Variants in NLGN4Y observed in about 807,000 individuals in gnomAD.
NLGN4Y encodes neuroligin-4, Y-linked.
Under a neutral mutation model 8.4 loss-of-function variants are expected in NLGN4Y, and 4 were observed. The observed-to-expected ratio is 0.48, with a 90% confidence interval of 0.23 to 1.09. NLGN4Y has a LOEUF of 1.09. Ranked by LOEUF, NLGN4Y falls within the 50% of genes least tolerant of loss-of-function variation. NLGN4Y has a pLI of 0.19. For missense variants in NLGN4Y, 90 were observed against 192.3 expected (o/e 0.47, Z 3.15); for synonymous variants, 35 against 75.6 (o/e 0.46, Z 2.78).
chrY:14,824,491 A>G, intron 5 of NLGN4Y, 118 bp downstream of exon 5: 1 of 213,996 alleles, frequency 4.7e-6, no homozygotes, highest in Non-Finnish European at 7.9e-6. Flanking sequence ...AAATTGCAAC[A>G]GAAAATGCCC....
chrY:14,624,948 C>G, intron 2 of NLGN4Y, among the ~76,000 whole-genome samples: 1 of 33,635 alleles, frequency 3.0e-5, no homozygotes, highest in African/African-American at 1.2e-4. Context: ...GAATTCTACT[C>G]TGACCACTTA....
chrY:14,590,373 C>A, intron 1 of NLGN4Y, among the ~76,000 whole-genome samples: 1 of 33,816 alleles, frequency 3.0e-5, no homozygotes, highest in South Asian at 6.8e-4. Flanking sequence ...ACAGGACACC[C>A]CAACTGCTGT....
At chrY:14,572,975 A>G (rs761093129) in intron 1 of NLGN4Y, among the ~76,000 whole-genome samples, 10 of 33,133 alleles carry the variant, frequency 3.0e-4, no homozygotes, top group African/African-American at 1.2e-3. Context: ...TAAATTTTTG[A>G]TGTGCTGCTA....
intron 4 of NLGN4Y, among the ~76,000 whole-genome samples, chrY:14,784,307 C>T: frequency 3.0e-5 from 1 of 33,739 alleles, no homozygotes; most frequent in Non-Finnish European, 7.3e-5. Context: ...AGCAGAAATA[C>T]CATTTAACCC....
intron 2 of NLGN4Y, among the ~76,000 whole-genome samples, chrY:14,684,545 C>T (rs2080782979): frequency 3.1e-5 from 1 of 32,207 alleles, no homozygotes. Context: ...GAAGTATGTG[C>T]TAGGCTCTTT....
At chrY:14,804,358 A>G (rs545054343) in intron 4 of NLGN4Y, among the ~76,000 whole-genome samples, 75 of 32,888 alleles carry the variant, frequency 2.3e-3, no homozygotes, top group African/African-American at 8.5e-3. Context: ...TTCCCTCTTA[A>G]CATCTTGTGG....
chrY:14,652,712 C>A (rs2080633744), intron 2 of NLGN4Y, among the ~76,000 whole-genome samples: 1 of 32,507 alleles, frequency 3.1e-5, no homozygotes, highest in Non-Finnish European at 7.6e-5. Flanking sequence ...TTGATTATAT[C>A]CTATTTTCAG....
At chrY:14,658,960 A>G (rs2080664765) in intron 2 of NLGN4Y, among the ~76,000 whole-genome samples, 2 of 33,618 alleles carry the variant, frequency 5.9e-5, no homozygotes, top group East Asian at 8.1e-4. Flanking sequence ...TTTGTCCTCA[A>G]ATGATGGAAG....
chrY:14,631,111 G>C lies in NLGN4Y; in HGVS notation c.472+8520G>C, dbSNP rs544251231. Among the ~76,000 whole-genome samples the C allele has an allele frequency of 5.9e-3, 193 of 32,561 alleles. No individual in the cohort carries two copies. The Middle Eastern group carries it at 0.22, about 37-fold the overall frequency. 87.4% of individuals were successfully genotyped at this position (32,561 alleles called of 37,273 possible). On this transcript the variant is annotated intron_variant, in intron 2 of 6. Transcript: ENST00000684976. ...GAAGGAGTTTTGCTCTTATTGCCCA[G>C]GTTGGGGTACAGTGGTGTGATCTCC... is the stretch of plus-strand genomic sequence containing the variant.
chrY:14,832,464 C>A, intron 6 of NLGN4Y, among the ~76,000 whole-genome samples: 1 of 33,710 alleles, frequency 3.0e-5, no homozygotes, highest in Admixed American at 2.7e-4. Flanking sequence ...TATTTTTTTT[C>A]TAAGTAAACC....
At chrY:14,592,684 A>G (rs2080376572) in intron 1 of NLGN4Y, among the ~76,000 whole-genome samples, 5 of 32,909 alleles carry the variant, frequency 1.5e-4, no homozygotes. Context: ...AAGAGATTTG[A>G]CCAACACTAG....
chrY:14,647,544 G>A (rs2080615282), intron 2 of NLGN4Y, among the ~76,000 whole-genome samples: 4 of 33,435 alleles, frequency 1.2e-4, no homozygotes, highest in Admixed American at 2.7e-4. Context: ...GTAGAACAAC[G>A]TCTGTTTACT....
At chrY:14,563,705 T>G (rs2080242429) in intron 1 of NLGN4Y, among the ~76,000 whole-genome samples, 1 of 33,725 alleles carries the variant, frequency 3.0e-5, no homozygotes, top group Non-Finnish European at 7.3e-5. Context: ...TATTACTGCC[T>G]CAGTTTCAGA....
chrY:14,619,584 G>A (rs769608038), intron 1 of NLGN4Y, among the ~76,000 whole-genome samples: 1 of 33,750 alleles, frequency 3.0e-5, no homozygotes, highest in Admixed American at 2.7e-4. Context: ...CTTTGCCTGT[G>A]TATGCTCCTG....
At chrY:14,779,790 C>T (rs752302284) in intron 4 of NLGN4Y, among the ~76,000 whole-genome samples, 2 of 33,239 alleles carry the variant, frequency 6.0e-5, no homozygotes, top group South Asian at 1.4e-3. Context: ...TGCACACCCA[C>T]TCACAGAGAC....
intron 4 of NLGN4Y, among the ~76,000 whole-genome samples, chrY:14,758,951 A>G: frequency 2.9e-5 from 1 of 34,016 alleles, no homozygotes; most frequent in East Asian, 7.8e-4. Flanking sequence ...ACTTTCAATT[A>G]GAAGGTTGGT....
intron 2 of NLGN4Y, among the ~76,000 whole-genome samples, chrY:14,708,512 A>C: frequency 2.9e-5 from 1 of 33,989 alleles, no homozygotes; most frequent in East Asian, 7.6e-4. Flanking sequence ...AAATATTATA[A>C]TTCATTTGGT....
intron 2 of NLGN4Y, among the ~76,000 whole-genome samples, chrY:14,690,273 T>C: frequency 3.1e-5 from 1 of 32,590 alleles, no homozygotes; most frequent in South Asian, 6.8e-4. Context: ...AAGCAGTAAA[T>C]TGGAAAAAAA....
chrY:14,830,558 C>T (rs375471321), intron 6 of NLGN4Y, 39 bp downstream of exon 6: 1 of 378,486 alleles, frequency 2.6e-6, no homozygotes, highest in Non-Finnish European at 3.8e-6. Context: ...CTGTCCTCTT[C>T]GCTTGTTTGG....
Sources: gnomAD v4.1 joint callset for allele counts (sites outside exome capture counted in the v4.1 genomes callset) on GRCh38, gnomAD v4.1.1 for gene constraint, MANE v1.5 for transcripts, NCBI Gene and HGNC (gene_info 2026-07-23, HGNC 2026-07-21) for gene names.